Variants in SPATA6L observed in about 807,000 individuals in gnomAD.
SPATA6L encodes the protein spermatogenesis associated 6-like protein.
In SPATA6L, 68 loss-of-function variants were observed where a neutral mutation model predicts 49.2. That is an observed-to-expected ratio of 1.38 (90% CI 1.14 to 1.69). SPATA6L has a LOEUF of 1.69. Among genes scored for constraint, SPATA6L ranks in the 40% most tolerant of loss-of-function variants. The pLI is 0.00. For synonymous variants in SPATA6L, 198 were observed against 165.7 expected, an observed-to-expected ratio of 1.19 and a Z score of -1.50; for missense variants, 668 against 464.3, an observed-to-expected ratio of 1.44 and a Z score of -4.03.
At chr9:4,602,462 C>T (rs939487387) in intron 11 of SPATA6L, among the ~76,000 whole-genome samples, 41 of 152,178 alleles carry the variant, frequency 2.7e-4, no homozygotes, top group Non-Finnish European at 5.6e-4. Context: ...GAGCCCTGGC[C>T]ATTCCTAAGG....
chr9:4,621,838 C>T (rs1351739170), intron 7 of SPATA6L, among the ~76,000 whole-genome samples: 1 of 152,032 alleles, frequency 6.6e-6, no homozygotes. Flanking sequence ...TTCTAACATG[C>T]TAACTACTGA....
Position 4,666,239 on chromosome 9 carries a change from C to T in SPATA6L, c.12G>A (p.Glu4=). MPL[E]VVVELQIRAI... ...CCCGGATCTGCAGCTCCACCACCAC[C>T]TCCAGAGGCATCGTTCCCTGCGTGG... The change falls in exon 1 of 12, where the codon GAG becomes GAA. Residue 4 remains glutamate, a synonymous_variant. Transcript: ENST00000682582. The T allele has an allele frequency of 1.2e-6, 2 of 1,614,190 alleles. No homozygotes were observed. The highest frequency in any genetic ancestry group is 1.1e-5 in the South Asian group (1 of 91,070).
downstream of SPATA6L, among the ~76,000 whole-genome samples, chr9:4,594,393 T>C (rs1411611488): frequency 6.6e-6 from 1 of 152,136 alleles, no homozygotes; most frequent in Non-Finnish European, 1.5e-5. Context: ...TTGTATTTTT[T>C]AGTAGAGACG....
At chr9:4,650,810 C>T (rs948517843) in intron 3 of SPATA6L, among the ~76,000 whole-genome samples, 11 of 150,792 alleles carry the variant, frequency 7.3e-5, no homozygotes, top group Admixed American at 7.3e-4. Flanking sequence ...CAGGCAAGCA[C>T]CACCAAACCC....
chr9:4,656,092 G>C lies in SPATA6L; in HGVS notation c.178-3C>G, dbSNP rs763556689. 3.7e-6 allele frequency: 6 copies of C among 1,611,356 alleles called. No homozygotes were observed. The highest frequency in any genetic ancestry group is 5.1e-6 in the Non-Finnish European group (6 of 1,178,450). On this transcript the variant is annotated splice_polypyrimidine_tract_variant and splice_region_variant and intron_variant, in intron 2 of 11. Coordinates refer to ENST00000682582, the MANE Select transcript of SPATA6L (RefSeq NM_001353486.2). The stretch of plus-strand genomic sequence containing the variant: ...GGATCTACTGCACTTTCAAATACCT[G>C]CAGAGAAAAATGGGGAAAATAAATT...
At chr9:4,643,324 T>C (rs560911120) in intron 3 of SPATA6L, among the ~76,000 whole-genome samples, 1 of 152,256 alleles carries the variant, frequency 6.6e-6, no homozygotes, top group South Asian at 2.1e-4. Flanking sequence ...ACAAATCCAA[T>C]TGACAGTATC....
At chr9:4,619,222 A>G (rs1055322752) in intron 7 of SPATA6L, among the ~76,000 whole-genome samples, 1 of 149,962 alleles carries the variant, frequency 6.7e-6, no homozygotes, top group Non-Finnish European at 1.5e-5. Context: ...CAATGGCACA[A>G]TCTCGGCTCA....
intron 9 of SPATA6L, among the ~76,000 whole-genome samples, chr9:4,610,796 T>G (rs904169308): frequency 6.6e-6 from 1 of 151,972 alleles, no homozygotes; most frequent in African/African-American, 2.4e-5. Context: ...AATTGACAAA[T>G]GGGATCTAAT....
rs796971077 is a variant in SPATA6L, at chr9:4,591,209, C to A, written c.*255-2248G>T. On this transcript the variant is annotated intron_variant and NMD_transcript_variant, in intron 13 of 13. Coordinates refer to the SPATA6L transcript ENST00000461761. Reference sequence around the variant, plus strand: ...CTTCCAGTGTATGAGCATGCCTTCACAAAGAGCTCAAGGCATGTACATTTT... The same window carrying A: ...CTTCCAGTGTATGAGCATGCCTTCAAAAAGAGCTCAAGGCATGTACATTTT... 2.0e-4 allele frequency among the ~76,000 whole-genome samples: 31 copies of A among 152,282 alleles called. 1 individual carries two copies. Among genetic ancestry groups the A allele is most frequent in the African/African-American group, 7.2e-4 (30 of 41,554 alleles).
At chr9:4,659,380 T>G (rs540336259) in intron 2 of SPATA6L, among the ~76,000 whole-genome samples, 2 of 151,770 alleles carry the variant, frequency 1.3e-5, no homozygotes, top group African/African-American at 4.9e-5. Flanking sequence ...TATACACCAA[T>G]AACAGACAAA....
intron 9 of SPATA6L, among the ~76,000 whole-genome samples, chr9:4,607,357 T>C (rs1227429036): frequency 2.6e-5 from 4 of 151,716 alleles, no homozygotes; most frequent in African/African-American, 4.8e-5. Context: ...TTCACCAAAG[T>C]TGAAATGAAG....
intron 4 of SPATA6L, 117 bp from the exon 5 acceptor site, chr9:4,629,285 C>T (rs900697092): frequency 3.2e-6 from 2 of 624,940 alleles, no homozygotes; most frequent in Non-Finnish European, 5.5e-6. Context: ...ATAATCCACA[C>T]ACATTATCTA....
At chr9:4,626,541 T>C in intron 5 of SPATA6L, 2 of 1,304,092 alleles carry the variant, frequency 1.5e-6, no homozygotes, top group South Asian at 2.5e-5. Flanking sequence ...ACATCTTCCC[T>C]TTGTTTCCCC....
At position 4,617,922 on chromosome 9, in the gene SPATA6L, C is replaced by G; in HGVS notation, c.995+1G>C. On this transcript the variant is annotated splice_donor_variant, in intron 9 of 11. Coordinates refer to ENST00000682582, the MANE Select transcript of SPATA6L (RefSeq NM_001353486.2). LOFTEE classifies it high-confidence loss of function. ...CAAACAGATGGGTGCTTGCCACTGACCTTTCTCTGAGAAGGGGCTGATCCA... is the reference window on the plus strand; with the variant it reads ...CAAACAGATGGGTGCTTGCCACTGAGCTTTCTCTGAGAAGGGGCTGATCCA... 1 of 1,604,582 alleles carries G rather than the reference C, an allele frequency of 6.2e-7. No individual in the cohort carries two copies. The highest frequency in any genetic ancestry group is 8.5e-7 in the Non-Finnish European group (1 of 1,174,534).
intron 5 of SPATA6L, chr9:4,628,126 G>A: frequency 4.5e-6 from 1 of 224,506 alleles, no homozygotes; most frequent in South Asian, 5.5e-5. Context: ...AGCTGAGGGG[G>A]AGTGGGGATG....
intron 3 of SPATA6L, among the ~76,000 whole-genome samples, chr9:4,654,489 G>A (rs898871181): frequency 6.6e-6 from 1 of 152,198 alleles, no homozygotes; most frequent in African/African-American, 2.4e-5. Context: ...TAGGTGGCTT[G>A]TGTTAGCTCA....
Position 4,598,494 on chromosome 9 carries a change from A to G in SPATA6L, c.*2317T>C, listed in dbSNP as rs964090495. On this transcript the variant is annotated 3_prime_UTR_variant, in exon 12 of 12. Transcript: ENST00000682582. ...TTGAGAAACAAAAGTAAAAATAATA[A>G]TAATTTAAGGAATAGAGTTAATAGA... is the stretch of plus-strand genomic sequence containing the variant. 3.3e-5 allele frequency among the ~76,000 whole-genome samples: 5 copies of G among 152,230 alleles called. No individual in the cohort carries two copies. Among genetic ancestry groups the G allele is most frequent in the Non-Finnish European group, 5.9e-5 (4 of 68,040 alleles).
intron 11 of SPATA6L, among the ~76,000 whole-genome samples, chr9:4,601,436 A>G (rs1032977304): frequency 1.3e-5 from 2 of 151,576 alleles, no homozygotes; most frequent in African/African-American, 4.9e-5. Flanking sequence ...TTTTAAATAT[A>G]CAAGGGATAC....
intron 3 of SPATA6L, among the ~76,000 whole-genome samples, chr9:4,654,392 T>C (rs412237): frequency 0.047 from 7,174 of 152,214 alleles, 342 homozygotes; most frequent in African/African-American, 0.11. Context: ...GGGCAGGCTG[T>C]GGGGTTCCGA....
Sources: allele counts gnomAD v4.1 joint callset (sites outside exome capture counted in the v4.1 genomes callset), GRCh38; gene constraint gnomAD v4.1.1; transcripts MANE v1.5; gene names NCBI Gene and HGNC (gene_info 2026-07-23, HGNC 2026-07-21).